CRTAC1: variants seen among roughly 807,000 people sequenced by gnomAD.
CRTAC1 encodes cartilage acidic protein 1, also known as acidic secreted protein in cartilage.
CRTAC1 carries 37 observed loss-of-function variants against 67.8 expected under a neutral mutation model. The observed-to-expected ratio is 0.55, with a 90% CI of 0.42 to 0.72. CRTAC1 has a LOEUF of 0.72. Among genes scored for constraint, CRTAC1 ranks in the 30% least tolerant of loss-of-function variants. The pLI, the probability that CRTAC1 is intolerant of heterozygous loss-of-function variation, is 0.00. For synonymous variants in CRTAC1, 348 were observed against 371.0 expected, an observed-to-expected ratio of 0.94 and a Z score of 0.71; for missense variants, 780 against 931.6, an observed-to-expected ratio of 0.84 and a Z score of 2.12.
At chr10:97,997,036 G>C (rs1842589631) in intron 2 of CRTAC1, among the ~76,000 whole-genome samples, 1 of 138,554 alleles carries the variant, frequency 7.2e-6, no homozygotes, top group Admixed American at 7.6e-5. Flanking sequence ...ATTGAACAAT[G>C]AGAACACATG....
intron 2 of CRTAC1, among the ~76,000 whole-genome samples, chr10:97,963,056 C>T (rs1263668864): frequency 1.3e-5 from 2 of 152,026 alleles, no homozygotes; most frequent in African/African-American, 4.8e-5. Flanking sequence ...AGACTGTTGG[C>T]TAGCAGGACC....
At position 97,965,483 on chromosome 10, in the gene CRTAC1, A is replaced by G. The variant is rs542863816; in HGVS notation, c.225-29117T>C. Among the ~76,000 whole-genome samples, 237 of 152,326 alleles carry G rather than the reference A, an allele frequency of 1.6e-3. 1 individual carries two copies. The highest frequency in any genetic ancestry group is 2.7e-3 in the South Asian group (13 of 4,830). The stretch of plus-strand genomic sequence containing the variant: ...TTTTGTAGCTGCCAGATGTACTTGA[A>G]TACTCCCAATGTTGGAACACTTACT... On this transcript the variant is annotated intron_variant, in intron 2 of 14. Coordinates refer to ENST00000370597, the MANE Select transcript of CRTAC1 (RefSeq NM_018058.7).
intron 2 of CRTAC1, among the ~76,000 whole-genome samples, chr10:97,950,244 C>CAGAGAGAGAG (rs1291012749): frequency 6.5e-4 from 73 of 112,152 alleles, no homozygotes; most frequent in African/African-American, 2.6e-3. Context: ...CACACACACA[C>CAGAGAGAGAG]ACAGAGAGAG....
chr10:97,872,845 T>A (rs2050108207), intron 14 of CRTAC1, among the ~76,000 whole-genome samples: 1 of 152,114 alleles, frequency 6.6e-6, no homozygotes, highest in Non-Finnish European at 1.5e-5. Context: ...GCTATCCCAG[T>A]CCCCAGATGA....
At chr10:97,926,716 T>G (rs539966180) in intron 3 of CRTAC1, among the ~76,000 whole-genome samples, 1 of 152,210 alleles carries the variant, frequency 6.6e-6, no homozygotes, top group Non-Finnish European at 1.5e-5. Context: ...TGCTATCAAT[T>G]GAATTTCCCA....
chr10:97,967,742 A>G (rs987465135), intron 2 of CRTAC1, among the ~76,000 whole-genome samples: 2 of 152,204 alleles, frequency 1.3e-5, no homozygotes, highest in Non-Finnish European at 2.9e-5. Context: ...TGCTTCTGGA[A>G]GTAGTAAGTG....
chr10:97,872,574 G>C (rs2050105535), intron 14 of CRTAC1, among the ~76,000 whole-genome samples: 1 of 152,184 alleles, frequency 6.6e-6, no homozygotes, highest in South Asian at 2.1e-4. Flanking sequence ...TGAGAGATCT[G>C]GACCTCAGGC....
chr10:98,018,648 C>T (rs540487306), intron 1 of CRTAC1, among the ~76,000 whole-genome samples: 23 of 152,244 alleles, frequency 1.5e-4, no homozygotes, highest in Non-Finnish European at 1.0e-4. Context: ...GGGCAATTTT[C>T]GGGGCAAACA....
chr10:97,874,088 A>G (rs2050120541), intron 14 of CRTAC1, among the ~76,000 whole-genome samples: 1 of 152,196 alleles, frequency 6.6e-6, no homozygotes. Flanking sequence ...GGGTGCTGGG[A>G]GCAGCCTGGA....
At chr10:97,974,321 A>G (rs1463681147) in intron 2 of CRTAC1, among the ~76,000 whole-genome samples, 2 of 152,196 alleles carry the variant, frequency 1.3e-5, no homozygotes, top group East Asian at 3.9e-4. Context: ...GCTGCGTAAC[A>G]GGCGGACTCA....
intron 2 of CRTAC1, among the ~76,000 whole-genome samples, chr10:97,960,898 C>A: frequency 6.6e-6 from 1 of 152,248 alleles, no homozygotes; most frequent in East Asian, 1.9e-4. Flanking sequence ...CCAGTGTTAG[C>A]TCCTGATCCC....
At chr10:97,892,849 A>G (rs1268462062) in intron 11 of CRTAC1, among the ~76,000 whole-genome samples, 2 of 152,236 alleles carry the variant, frequency 1.3e-5, no homozygotes, top group Non-Finnish European at 2.9e-5. Flanking sequence ...AAATAGCCCA[A>G]GAAAATGATC....
intron 2 of CRTAC1, among the ~76,000 whole-genome samples, chr10:97,982,660 C>T (rs1048753631): frequency 2.6e-5 from 4 of 152,176 alleles, no homozygotes; most frequent in Admixed American, 2.6e-4. Flanking sequence ...GGGTGAGCCT[C>T]TAGGGGACAC....
intron 2 of CRTAC1, among the ~76,000 whole-genome samples, chr10:97,973,332 G>A (rs753520261): frequency 6.6e-6 from 1 of 151,888 alleles, no homozygotes. Context: ...ATTACGCCTG[G>A]GCCTCCATGC....
intron 1 of CRTAC1, among the ~76,000 whole-genome samples, chr10:98,025,662 C>G (rs1376323819): frequency 2.0e-5 from 3 of 152,158 alleles, no homozygotes; most frequent in African/African-American, 7.2e-5. Flanking sequence ...AGGTTTATGT[C>G]CCCTAAGCAA....
chr10:97,973,814 T>C (rs1229776828), intron 2 of CRTAC1, among the ~76,000 whole-genome samples: 2 of 152,082 alleles, frequency 1.3e-5, no homozygotes, highest in African/African-American at 4.8e-5. Flanking sequence ...ATGCCTTTTT[T>C]CTTTGGTCCC....
intron 2 of CRTAC1, among the ~76,000 whole-genome samples, chr10:97,954,101 G>A (rs1450576617): frequency 6.6e-6 from 1 of 152,124 alleles, no homozygotes; most frequent in Non-Finnish European, 1.5e-5. Flanking sequence ...GCAAGACCCT[G>A]CAGAACCCCA....
intron 14 of CRTAC1, among the ~76,000 whole-genome samples, chr10:97,875,009 T>C (rs1044794800): frequency 6.6e-6 from 1 of 152,210 alleles, no homozygotes; most frequent in Non-Finnish European, 1.5e-5. Context: ...CACAGATGTA[T>C]ATCCCAAGCC....
At chr10:97,872,619 C>CTGGA (rs1235676359) in intron 14 of CRTAC1, among the ~76,000 whole-genome samples, 2 of 152,166 alleles carry the variant, frequency 1.3e-5, no homozygotes, top group Non-Finnish European at 2.9e-5. Context: ...GAATCACTGG[C>CTGGA]TGGATGGCTG....
Sources: gnomAD v4.1 joint callset for allele counts (sites outside exome capture counted in the v4.1 genomes callset) on GRCh38, gnomAD v4.1.1 for gene constraint, MANE v1.5 for transcripts, NCBI Gene and HGNC (gene_info 2026-07-23, HGNC 2026-07-21) for gene names.